TRIO: variants seen among roughly 807,000 people sequenced by gnomAD.
The protein encoded by TRIO is triple functional domain protein.
In TRIO, 58 loss-of-function variants were observed where a neutral mutation model predicts 351.9. That is an observed-to-expected ratio of 0.16 (90% CI 0.13 to 0.21). The LOEUF (loss-of-function observed/expected upper bound fraction) is 0.21. Ranked by LOEUF, TRIO falls within the 10% of genes least tolerant of loss-of-function variation. TRIO has a pLI of 1.00. For synonymous variants in TRIO, 1,758 were observed against 1,595.7 expected (o/e 1.10, Z -2.42); for missense variants, 3,201 against 4,027.8 (o/e 0.79, Z 5.56).
chr5:14,179,610 G>T (rs164003), intron 1 of TRIO, among the ~76,000 whole-genome samples: 14,467 of 134,620 alleles, frequency 0.11, 820 homozygotes, highest in African/African-American at 0.19. Context: ...CTCAGTTTTT[G>T]ATTTTTTTTT....
At chr5:14,202,110 G>A (rs376401069) in intron 1 of TRIO, among the ~76,000 whole-genome samples, 2 of 149,924 alleles carry the variant, frequency 1.3e-5, no homozygotes, top group East Asian at 2.0e-4. Flanking sequence ...TAAAACTTAA[G>A]GTATAATTTA....
At chr5:14,469,938 C>G (rs897689639) in intron 37 of TRIO, among the ~76,000 whole-genome samples, 1 of 152,232 alleles carries the variant, frequency 6.6e-6, no homozygotes, top group Non-Finnish European at 1.5e-5. Context: ...TTCAATCTAA[C>G]AGGCTTCAGC....
At chr5:14,171,528 T>A (rs537450478) in intron 1 of TRIO, among the ~76,000 whole-genome samples, 2 of 152,232 alleles carry the variant, frequency 1.3e-5, no homozygotes, top group African/African-American at 4.8e-5. Flanking sequence ...TAATGAAGGA[T>A]AAAGGTAGAG....
chr5:14,348,384 G>T (rs1311599244), intron 11 of TRIO, among the ~76,000 whole-genome samples: 1 of 152,212 alleles, frequency 6.6e-6, no homozygotes, highest in Non-Finnish European at 1.5e-5. Flanking sequence ...TCATGCTTAT[G>T]TTTAATTTTC....
intron 8 of TRIO, among the ~76,000 whole-genome samples, chr5:14,308,274 C>G (rs575088113): frequency 6.6e-6 from 1 of 152,006 alleles, no homozygotes; most frequent in Non-Finnish European, 1.5e-5. Context: ...CCTAACCACC[C>G]GTTGTTCATC....
intron 9 of TRIO, among the ~76,000 whole-genome samples, chr5:14,328,761 G>A (rs963245750): frequency 2.6e-5 from 4 of 152,172 alleles, no homozygotes; most frequent in Non-Finnish European, 5.9e-5. Flanking sequence ...CTGAAGCTGA[G>A]AAGGAATAAG....
At chr5:14,506,565 G>A (rs765648811) in intron 55 of TRIO, among the ~76,000 whole-genome samples, 1 of 152,238 alleles carries the variant, frequency 6.6e-6, no homozygotes, top group Non-Finnish European at 1.5e-5. Flanking sequence ...GATTAAATGA[G>A]TTGTTAGAAG....
intron 7 of TRIO, among the ~76,000 whole-genome samples, chr5:14,302,831 A>AACC (rs1738018635): frequency 6.6e-6 from 1 of 152,256 alleles, no homozygotes; most frequent in African/African-American, 2.4e-5. Context: ...AAGAGGTTAA[A>AACC]ACCGAGGGAA....
At chr5:14,486,720 T>A (rs1318980223) in intron 47 of TRIO, among the ~76,000 whole-genome samples, 1 of 152,116 alleles carries the variant, frequency 6.6e-6, no homozygotes, top group African/African-American at 2.4e-5. Flanking sequence ...AGGAGATCGC[T>A]CATGGGCTGG....
chr5:14,201,291 G>T (rs564409625), intron 1 of TRIO, among the ~76,000 whole-genome samples: 80 of 151,992 alleles, frequency 5.3e-4, no homozygotes, highest in Middle Eastern at 3.4e-3. Flanking sequence ...AAAATAAAAC[G>T]TTCTCATCTA....
intron 1 of TRIO, among the ~76,000 whole-genome samples, chr5:14,154,298 C>G (rs911320340): frequency 6.6e-6 from 1 of 152,108 alleles, no homozygotes; most frequent in African/African-American, 2.4e-5. Context: ...CATTAGAACA[C>G]TACCAGGGCT....
chr5:14,187,023 G>T (rs910123304), intron 1 of TRIO, among the ~76,000 whole-genome samples: 1 of 152,190 alleles, frequency 6.6e-6, no homozygotes, highest in African/African-American at 2.4e-5. Context: ...GGGCGTGAGG[G>T]CTTGGTAATA....
intron 42 of TRIO, among the ~76,000 whole-genome samples, 162 bp downstream of exon 42, chr5:14,479,512 AATG>A (rs1398097196): frequency 6.6e-6 from 1 of 152,198 alleles, no homozygotes; most frequent in Non-Finnish European, 1.5e-5. Flanking sequence ...AAATCAGAGA[AATG>A]AGTATGAATT....
intron 2 of TRIO, among the ~76,000 whole-genome samples, chr5:14,274,630 A>G (rs1735338022): frequency 1.3e-5 from 2 of 152,198 alleles, no homozygotes; most frequent in Non-Finnish European, 2.9e-5. Flanking sequence ...CCTGAGAAAG[A>G]GTTCATACAG....
chr5:14,238,221 C>A (rs1793897498), intron 1 of TRIO, among the ~76,000 whole-genome samples: 1 of 152,114 alleles, frequency 6.6e-6, no homozygotes, highest in Non-Finnish European at 1.5e-5. Flanking sequence ...GGGATAGGGT[C>A]CTGGAGGTGA....
In TRIO at chr5:14,354,317, G is replaced by A. The variant is rs147958761; in HGVS notation, c.2047-3861G>A. Among the ~76,000 whole-genome samples, 830 of 152,336 alleles carry A rather than the reference G, an allele frequency of 5.4e-3. 10 individuals are homozygous for A. The highest frequency in any genetic ancestry group is 0.019 in the African/African-American group (797 of 41,576). On this transcript the variant is annotated intron_variant, in intron 11 of 56. Transcript: ENST00000344204. ...TCTAGTAGGCTTTTTTTAAAAAAGC[G>A]TTTTTGTTTTCTCAACAGATTTAAA...
intron 9 of TRIO, among the ~76,000 whole-genome samples, chr5:14,328,838 G>A (rs1244587668): frequency 6.6e-6 from 1 of 152,180 alleles, no homozygotes; most frequent in Non-Finnish European, 1.5e-5. Context: ...ATGGAGGGGT[G>A]GAAATGAGAC....
At position 14,487,954 on chromosome 5, in the gene TRIO, C is replaced by T. The variant is rs913659884; in HGVS notation, c.7326C>T (p.Gly2442=). The change falls in exon 48 of 57, where the codon GGC becomes GGT. Residue 2442 remains glycine (G), a synonymous_variant. Transcript: ENST00000344204. The part of the protein sequence containing the change: ...APAKDARASL[G]TLPLGKPRAG... The stretch of plus-strand genomic sequence containing the variant: ...CCAAGGACGCGCGCGCTAGCCTGGG[C>T]ACCCTGCCGCTTGGGAAGCCCCGGG... 44 of 1,549,080 alleles carry T rather than the reference C, an allele frequency of 2.8e-5. No homozygotes were observed. Among genetic ancestry groups the T allele is most frequent in the Admixed American group, 1.9e-4 (10 of 51,344 alleles).
chr5:14,167,398 A>G (rs938267687), intron 1 of TRIO, among the ~76,000 whole-genome samples: 1 of 152,080 alleles, frequency 6.6e-6, no homozygotes, highest in Non-Finnish European at 1.5e-5. Flanking sequence ...CTTTATTTAC[A>G]CGAACCTGAA....
Sources: gnomAD v4.1 joint callset for allele counts (sites outside exome capture counted in the v4.1 genomes callset) on GRCh38, gnomAD v4.1.1 for gene constraint, MANE v1.5 for transcripts, NCBI Gene and HGNC (gene_info 2026-07-23, HGNC 2026-07-21) for gene names.